Variants in TUT4 observed in about 807,000 individuals in gnomAD.
TUT4 encodes the protein terminal uridylyltransferase 4.
Under a neutral mutation model 192.2 loss-of-function variants are expected in TUT4, and 36 were observed. The observed-to-expected ratio is 0.19, with a 90% confidence interval of 0.14 to 0.25. The LOEUF is 0.25. Among genes scored for constraint, TUT4 ranks in the 10% least tolerant of loss-of-function variants. The pLI, the probability that TUT4 is intolerant of heterozygous loss-of-function variation, is 1.00. For synonymous variants in TUT4, 618 were observed against 666.0 expected, an observed-to-expected ratio of 0.93 and a Z score of 1.11; for missense variants, 1,493 against 1,957.2, an observed-to-expected ratio of 0.76 and a Z score of 4.47.
chr1:52,542,757 A>ATT (rs1553236442), intron 1 of TUT4, among the ~76,000 whole-genome samples: 1 of 147,550 alleles, frequency 6.8e-6, no homozygotes, highest in Admixed American at 6.7e-5. Context: ...CTTTTTATTT[A>ATT]TTTATTTATT....
chr1:52,458,713 C>T (rs989299326), intron 19 of TUT4, among the ~76,000 whole-genome samples: 16 of 151,964 alleles, frequency 1.1e-4, no homozygotes, highest in Non-Finnish European at 1.9e-4. Context: ...CTATACATGA[C>T]GTGGGGAAAC....
chr1:52,533,306 T>C (rs1044250837), intron 1 of TUT4, among the ~76,000 whole-genome samples: 1 of 152,236 alleles, frequency 6.6e-6, no homozygotes, highest in African/African-American at 2.4e-5. Context: ...AAGAAATATA[T>C]ATACTTAATC....
intron 22 of TUT4, 99 bp downstream of exon 22, chr1:52,446,166 G>A: frequency 3.6e-6 from 5 of 1,386,158 alleles, no homozygotes; most frequent in Non-Finnish European, 4.9e-6. Flanking sequence ...ACTGATAAAA[G>A]AGGAAGAATC....
Position 52,497,086 on chromosome 1 carries a change from T to C in TUT4, c.1097A>G (p.His366Arg). 6.2e-7 allele frequency: 1 copy of C among 1,614,108 alleles called. No homozygotes were observed. Among genetic ancestry groups the C allele is most frequent in the Non-Finnish European group, 8.5e-7 (1 of 1,179,988 alleles). The stretch of plus-strand genomic sequence containing the variant: ...TCTGAGGTCATCATCTGTTATTCCA[T>C]GTTCTTTTGCTAATTCAATGACTGC... Reference protein sequence around the residue: ...SVAVIELAKEHGITDDDLRVR... With the variant: ...SVAVIELAKERGITDDDLRVR... Residue 366 changes from histidine to arginine, a missense_variant, in exon 5 of 30, where the codon CAT (histidine) becomes CGT (arginine). By Grantham distance (29) the His-to-Arg change is conservative (BLOSUM62 0). Around this residue, in one of 7 missense-constraint regions of TUT4, gnomAD observed 437 missense variants for 577.6 expected, o/e 0.76. Coordinates refer to ENST00000257177, the MANE Select transcript of TUT4 (RefSeq NM_001009881.3).
chr1:52,434,384 C>A (rs1488374696), intron 27 of TUT4: 1 of 152,328 alleles, frequency 6.6e-6, no homozygotes. Flanking sequence ...CTAATACCTA[C>A]CACTTCACAT....
Position 52,481,807 on chromosome 1 carries a change from A to G in TUT4, c.1632T>C (p.Ser544=). 6.3e-7 allele frequency: 1 copy of G among 1,583,764 alleles called. No homozygotes were observed. The highest frequency in any genetic ancestry group is 1.2e-5 in the South Asian group (1 of 84,742). The change falls in exon 10 of 30, where the codon AGT becomes AGC. Residue 544 remains serine, a synonymous_variant. Coordinates refer to ENST00000257177, the MANE Select transcript of TUT4 (RefSeq NM_001009881.3). ...KPPLLPCLLG[S]WIEGFDPKRM... ...TATGTCACAAATTCATGCTTACCCAACTTCCAAGTAAGCAAGGAAGAAGAG... is the reference window on the plus strand; with the variant it reads ...TATGTCACAAATTCATGCTTACCCAGCTTCCAAGTAAGCAAGGAAGAAGAG...
intron 1 of TUT4, among the ~76,000 whole-genome samples, chr1:52,545,901 C>CAA (rs975907464): frequency 4.7e-5 from 7 of 147,458 alleles, no homozygotes; most frequent in African/African-American, 1.0e-4. Context: ...GCAGGCACAT[C>CAA]ACTTGAGCTC....
At chr1:52,428,667 C>T (rs562780461) in intron 28 of TUT4, among the ~76,000 whole-genome samples, 5 of 147,524 alleles carry the variant, frequency 3.4e-5, no homozygotes, top group Admixed American at 6.8e-5. Context: ...CATGGTGGTG[C>T]GCACCTGTAG....
intron 24 of TUT4, among the ~76,000 whole-genome samples, chr1:52,439,153 A>C (rs923942924): frequency 3.3e-5 from 5 of 151,070 alleles, no homozygotes; most frequent in African/African-American, 1.2e-4. Context: ...CAGGAGTTTG[A>C]GGCTGTAGTG....
chr1:52,545,571 C>G (rs1026124429), intron 1 of TUT4, among the ~76,000 whole-genome samples: 2 of 151,878 alleles, frequency 1.3e-5, no homozygotes, highest in African/African-American at 4.8e-5. Flanking sequence ...GCCACAAGCA[C>G]GTGAAAAGAT....
In TUT4 at chr1:52,526,338, G is replaced by T; in HGVS notation, c.-58C>A. 3 of 1,369,396 alleles carry T rather than the reference G, an allele frequency of 2.2e-6. No individual in the cohort carries two copies. The highest frequency in any genetic ancestry group is 2.8e-6 in the Non-Finnish European group (3 of 1,060,316). 84.8% of individuals were successfully genotyped at this position (1,369,396 alleles called of 1,614,324 possible). A position where few individuals can be genotyped will look rare whatever the true frequency, so the allele number is the denominator to read the frequency against. ...ATTATAAAATGGCAGATCTCCAGTAGTTTAAATTGCTTCAAGTCCAGTTTA... is the reference window on the plus strand; with the variant it reads ...ATTATAAAATGGCAGATCTCCAGTATTTTAAATTGCTTCAAGTCCAGTTTA... On this transcript the variant is annotated 5_prime_UTR_variant, in exon 2 of 30. Transcript: ENST00000257177.
intron 20 of TUT4, among the ~76,000 whole-genome samples, chr1:52,454,956 T>A (rs1660439793): frequency 1.3e-5 from 2 of 152,108 alleles, no homozygotes; most frequent in South Asian, 4.1e-4. Context: ...ATGAAAAGAT[T>A]TCCGCATAAT....
chr1:52,464,107 TGGG>T, intron 16 of TUT4, among the ~76,000 whole-genome samples: 1 of 152,094 alleles, frequency 6.6e-6, no homozygotes, highest in East Asian at 1.9e-4. Context: ...ATCTGTAAAA[TGGG>T]GGAAATAATA....
At chr1:52,463,556 G>T in intron 16 of TUT4, 1 of 1,199,860 alleles carries the variant, frequency 8.3e-7, no homozygotes, top group Non-Finnish European at 1.1e-6. Flanking sequence ...AGGCGATACT[G>T]ACACCACTAC....
At chr1:52,505,548 AGTAGCTGGAAT>A (rs1388122483) in intron 4 of TUT4, among the ~76,000 whole-genome samples, 3 of 149,302 alleles carry the variant, frequency 2.0e-5, no homozygotes, top group African/African-American at 7.4e-5. Context: ...CAGCCTCTCG[AGTAGCTGGAAT>A]TACAGGTGTG....
intron 27 of TUT4, chr1:52,433,594 C>T (rs551059760): frequency 2.6e-5 from 4 of 151,958 alleles, no homozygotes; most frequent in Non-Finnish European, 5.9e-5. Flanking sequence ...AGACTCTTTC[C>T]GAAAGCACGG....
At chr1:52,462,608 G>T in intron 16 of TUT4, 2 of 463,838 alleles carry the variant, frequency 4.3e-6, no homozygotes, top group Non-Finnish European at 5.7e-6. Flanking sequence ...AGAGCTGTTG[G>T]GAGGATTACA....
chr1:52,494,527 A>G (rs1183120018), intron 6 of TUT4, among the ~76,000 whole-genome samples: 1 of 152,102 alleles, frequency 6.6e-6, no homozygotes, highest in Non-Finnish European at 1.5e-5. Flanking sequence ...CCCCGTTTCT[A>G]CTAAAAATAC....
At chr1:52,427,687 TA>T (rs1044127799) in intron 28 of TUT4, among the ~76,000 whole-genome samples, 2 of 152,250 alleles carry the variant, frequency 1.3e-5, no homozygotes, top group African/African-American at 4.8e-5. Flanking sequence ...CAAAATACCT[TA>T]CTTGCATTGT....
Sources: allele counts gnomAD v4.1 joint callset (sites outside exome capture counted in the v4.1 genomes callset), GRCh38; gene constraint gnomAD v4.1.1; regional missense constraint gnomAD v4.1.1; transcripts MANE v1.5; gene names NCBI Gene and HGNC (gene_info 2026-07-23, HGNC 2026-07-21).